Variants in HOOK1 observed in about 807,000 individuals in gnomAD.
The protein encoded by HOOK1 is protein Hook homolog 1.
HOOK1 carries 60 observed loss-of-function variants against 112.8 expected under a neutral mutation model. The ratio of observed to expected loss-of-function variants is 0.53; its 90% CI spans 0.43 to 0.66. HOOK1 has a LOEUF of 0.66. HOOK1 is among the 30% of genes least tolerant of loss of function. The pLI, the probability that HOOK1 is intolerant of heterozygous loss-of-function variation, is 0.00. For missense variants in HOOK1, 770 were observed against 856.0 expected, an observed-to-expected ratio of 0.90 and a Z score of 1.25; for synonymous variants, 294 against 283.8, an observed-to-expected ratio of 1.04 and a Z score of -0.36.
At chr1:59,847,590 A>T (rs147933998) in intron 10 of HOOK1, among the ~76,000 whole-genome samples, 274 of 151,822 alleles carry the variant, frequency 1.8e-3, no homozygotes, top group East Asian at 8.7e-3. Context: ...TATAGGCAAG[A>T]ATCCTAACTT....
intron 20 of HOOK1, among the ~76,000 whole-genome samples, chr1:59,870,575 C>G (rs1468044874): frequency 6.6e-6 from 1 of 152,170 alleles, no homozygotes; most frequent in Non-Finnish European, 1.5e-5. Flanking sequence ...GCTATGGAAT[C>G]TAGTACACAG....
At chr1:59,863,359 G>A (rs377491885) in intron 16 of HOOK1, among the ~76,000 whole-genome samples, 47 of 152,246 alleles carry the variant, frequency 3.1e-4, no homozygotes, top group East Asian at 1.2e-3. Context: ...GATTATACCC[G>A]TCTCTGAAGG....
At chr1:59,868,100 C>T in intron 19 of HOOK1, 150 bp from the exon 20 acceptor site, 4 of 553,572 alleles carry the variant, frequency 7.2e-6, no homozygotes, top group Non-Finnish European at 1.3e-5. Flanking sequence ...TTTGTTATCC[C>T]AATTAGGATT....
chr1:59,865,048 T>C (rs1643936966), intron 17 of HOOK1, 115 bp from the exon 18 acceptor site: 1 of 690,948 alleles, frequency 1.4e-6, no homozygotes, highest in South Asian at 1.7e-5. Context: ...CCTGCAGTCA[T>C]GCAGATAGTA....
rs776559928 is a variant in HOOK1 at position 59,821,759 on chromosome 1, T to G, written c.64-99T>G. The G allele has an allele frequency of 3.4e-4, 287 of 832,538 alleles. 1 individual carries two copies. The Middle Eastern group carries it at 5.9e-3, about 17-fold the overall frequency. 51.6% of individuals were successfully genotyped at this position (832,538 alleles called of 1,614,324 possible). A position where few individuals can be genotyped will look rare whatever the true frequency, so the allele number is the denominator to read the frequency against. On this transcript the variant is annotated intron_variant, in intron 1 of 21. Coordinates refer to ENST00000371208, the MANE Select transcript of HOOK1 (RefSeq NM_015888.6). ...ACAAAACAGGACCATGTTTTTTTTT[T>G]TTGTTTTTTTTAGCTGTTTTCAATT...
chr1:59,848,836 ATAGCAT>A (rs2098405566), intron 11 of HOOK1, among the ~76,000 whole-genome samples: 1 of 151,190 alleles, frequency 6.6e-6, no homozygotes, highest in South Asian at 2.1e-4. Flanking sequence ...TGTTTACTAA[ATAGCAT>A]TAGTAGGCTG....
intron 9 of HOOK1, among the ~76,000 whole-genome samples, 166 bp from the exon 10 acceptor site, chr1:59,846,879 A>G (rs373072835): frequency 2.8e-3 from 425 of 151,708 alleles, no homozygotes; most frequent in Non-Finnish European, 4.7e-3. Flanking sequence ...AACATGGTCC[A>G]TGATATTTCA....
At chr1:59,835,937 C>G (rs1030956652) in intron 6 of HOOK1, among the ~76,000 whole-genome samples, 7 of 152,010 alleles carry the variant, frequency 4.6e-5, no homozygotes, top group Admixed American at 3.3e-4. Flanking sequence ...TGGACTGGTG[C>G]CAGTCCATGG....
intron 15 of HOOK1, among the ~76,000 whole-genome samples, chr1:59,862,515 T>G (rs1286863638): frequency 2.0e-5 from 3 of 152,160 alleles, no homozygotes; most frequent in African/African-American, 7.2e-5. Flanking sequence ...GAGTGCGGTG[T>G]AGAAATTTTT....
At chr1:59,847,317 C>G in intron 10 of HOOK1, 132 bp downstream of exon 10, 1 of 768,688 alleles carries the variant, frequency 1.3e-6, no homozygotes, top group Non-Finnish European at 2.0e-6. Context: ...TTAATCCAGG[C>G]TGATAGTTTT....
At chr1:59,853,070 C>T (rs1257200460) in intron 12 of HOOK1, among the ~76,000 whole-genome samples, 2 of 151,836 alleles carry the variant, frequency 1.3e-5, no homozygotes, top group African/African-American at 4.8e-5. Context: ...CAGAGTGTTC[C>T]ATGTGGATTT....
chr1:59,843,357 T>A, intron 8 of HOOK1, 75 bp from the exon 9 acceptor site: 1 of 1,054,282 alleles, frequency 9.5e-7, no homozygotes. Context: ...AATCCAGAAC[T>A]CTAGACTCTA....
chr1:59,821,191 AT>A (rs532158388), intron 1 of HOOK1, among the ~76,000 whole-genome samples: 2 of 152,086 alleles, frequency 1.3e-5, no homozygotes, highest in African/African-American at 4.8e-5. Flanking sequence ...TGCTTTCTAA[AT>A]TTTTTTCTAT....
chr1:59,853,560 A>G (rs145697231), intron 12 of HOOK1, among the ~76,000 whole-genome samples: 11 of 152,134 alleles, frequency 7.2e-5, no homozygotes, highest in Non-Finnish European at 1.5e-4. Context: ...TTGCTTTTCA[A>G]TTGGAGTTTG....
At chr1:59,838,859 T>G (rs1267228220) in intron 7 of HOOK1, among the ~76,000 whole-genome samples, 1 of 152,216 alleles carries the variant, frequency 6.6e-6, no homozygotes, top group Non-Finnish European at 1.5e-5. Flanking sequence ...TGATCCATCT[T>G]GAGTTGATTT....
chr1:59,868,657 T>C (rs924539902), intron 20 of HOOK1, among the ~76,000 whole-genome samples: 16 of 152,224 alleles, frequency 1.1e-4, no homozygotes, highest in African/African-American at 3.9e-4. Flanking sequence ...ATTATGCAAA[T>C]ATGATTTCAT....
At chr1:59,838,605 G>A (rs2098399311) in intron 7 of HOOK1, among the ~76,000 whole-genome samples, 1 of 152,130 alleles carries the variant, frequency 6.6e-6, no homozygotes, top group South Asian at 2.1e-4. Flanking sequence ...TTAGCCCTTT[G>A]TCAGATGGAT....
At chr1:59,866,761 A>G (rs1296874730) in intron 19 of HOOK1, among the ~76,000 whole-genome samples, 1 of 152,212 alleles carries the variant, frequency 6.6e-6, no homozygotes, top group Non-Finnish European at 1.5e-5. Flanking sequence ...AATAATGCCT[A>G]CATAATACTT....
intron 3 of HOOK1, among the ~76,000 whole-genome samples, chr1:59,831,158 C>T (rs540349127): frequency 6.6e-6 from 1 of 152,180 alleles, no homozygotes; most frequent in African/African-American, 2.4e-5. Context: ...GCCTCAGCCT[C>T]CCAATTAAGT....
Sources: gnomAD v4.1 joint callset for allele counts (sites outside exome capture counted in the v4.1 genomes callset) on GRCh38, gnomAD v4.1.1 for gene constraint, MANE v1.5 for transcripts, NCBI Gene and HGNC (gene_info 2026-07-23, HGNC 2026-07-21) for gene names.